UBE2E2: variants seen among roughly 807,000 people sequenced by gnomAD.
The protein encoded by UBE2E2 is ubiquitin conjugating enzyme E2 E2.
UBE2E2 carries 6 observed loss-of-function variants against 24.7 expected under a neutral mutation model. The ratio of observed to expected loss-of-function variants is 0.24; its 90% CI spans 0.13 to 0.48. The LOEUF (loss-of-function observed/expected upper bound fraction) is 0.48. Ranked by LOEUF, UBE2E2 falls within the 20% of genes least tolerant of loss-of-function variation. The probability of loss-of-function intolerance (pLI) is 0.99; values close to 1 mark genes in which losing one functional copy is unlikely to be tolerated. For synonymous variants in UBE2E2, 104 were observed against 83.6 expected (o/e 1.24, Z -1.33); for missense variants, 169 against 245.0 (o/e 0.69, Z 2.07).
At chr3:23,209,697 GT>G (rs1199406631) in intron 2 of UBE2E2, among the ~76,000 whole-genome samples, 1 of 152,134 alleles carries the variant, frequency 6.6e-6, no homozygotes, top group Non-Finnish European at 1.5e-5. Context: ...ATTTTATGGT[GT>G]GGGTTAAGGG....
chr3:23,276,718 AAAAAT>A (rs1480100027), intron 3 of UBE2E2, among the ~76,000 whole-genome samples: 6 of 152,076 alleles, frequency 3.9e-5, no homozygotes, highest in East Asian at 1.9e-4. Context: ...CTATTTTATA[AAAAAT>A]AAAATAGAAA....
At chr3:23,230,786 C>G (rs1206204215) in intron 3 of UBE2E2, among the ~76,000 whole-genome samples, 1 of 119,724 alleles carries the variant, frequency 8.4e-6, no homozygotes, top group South Asian at 2.8e-4. Context: ...AACTCCTTCT[C>G]AAAAAGAAAA....
chr3:23,391,373 AATGTGGCCACAGT>A (rs1388930101), intron 3 of UBE2E2, among the ~76,000 whole-genome samples: 3 of 152,212 alleles, frequency 2.0e-5, no homozygotes, highest in Non-Finnish European at 4.4e-5. Flanking sequence ...ATAGTTCAGG[AATGTGGCCACAGT>A]ATGCCTGTGT....
intron 3 of UBE2E2, among the ~76,000 whole-genome samples, chr3:23,223,168 T>C (rs1383502742): frequency 6.6e-6 from 1 of 150,578 alleles, no homozygotes; most frequent in Non-Finnish European, 1.5e-5. Flanking sequence ...TACAGGTACA[T>C]GCCACCATGC....
At chr3:23,251,130 C>G (rs887971197) in intron 3 of UBE2E2, among the ~76,000 whole-genome samples, 2 of 152,218 alleles carry the variant, frequency 1.3e-5, no homozygotes, top group African/African-American at 4.8e-5. Flanking sequence ...ACTGGGATTA[C>G]TGTGCCTAGC....
chr3:23,367,883 C>T (rs1336381779), intron 3 of UBE2E2, among the ~76,000 whole-genome samples: 1 of 152,100 alleles, frequency 6.6e-6, no homozygotes, highest in Non-Finnish European at 1.5e-5. Flanking sequence ...GTGTCCACTG[C>T]AGAATTGATT....
intron 5 of UBE2E2, among the ~76,000 whole-genome samples, chr3:23,569,767 A>G (rs538503473): frequency 6.6e-6 from 1 of 152,338 alleles, no homozygotes; most frequent in South Asian, 2.1e-4. Flanking sequence ...AGGACATTTT[A>G]TATTTCAAAG....
intron 3 of UBE2E2, among the ~76,000 whole-genome samples, chr3:23,284,964 T>C (rs72625864): frequency 8.5e-6 from 1 of 118,180 alleles, no homozygotes. Context: ...GAAAAAAAAA[T>C]ATATATATAT....
chr3:23,521,240 T>TA (rs1694857126), intron 4 of UBE2E2, among the ~76,000 whole-genome samples: 1 of 152,166 alleles, frequency 6.6e-6, no homozygotes, highest in South Asian at 2.1e-4. Context: ...GTGAGACCTA[T>TA]AAAAAATGTA....
chr3:23,501,253 A>C (rs1460136933), intron 4 of UBE2E2, among the ~76,000 whole-genome samples: 1 of 152,222 alleles, frequency 6.6e-6, no homozygotes, highest in Non-Finnish European at 1.5e-5. Context: ...GTAGTTTCAG[A>C]AAATGTGTGG....
intron 3 of UBE2E2, among the ~76,000 whole-genome samples, chr3:23,472,186 G>C (rs1415690608): frequency 1.3e-5 from 2 of 152,146 alleles, no homozygotes; most frequent in Non-Finnish European, 2.9e-5. Context: ...GAGTATATAA[G>C]ATATTTTAGA....
In UBE2E2 at chr3:23,407,988, G is replaced by A. The variant is rs1697404995; in HGVS notation, c.228-91620G>A. On this transcript the variant is annotated intron_variant, in intron 3 of 5. Transcript: ENST00000396703. This position sits in a 1 kb window ranked among gnomAD's most constrained non-coding sequence, Gnocchi z 4.0. ...GTGTAATTGTGCTTCTGGTGGGGGC[G>A]GGGGAGATGGGCTTTTATTAAAAAA... is the stretch of plus-strand genomic sequence containing the variant. 6.6e-6 allele frequency among the ~76,000 whole-genome samples: 1 copy of A among 151,878 alleles called. No individual in the cohort carries two copies.
At chr3:23,585,384 A>G (rs1413404527) in intron 5 of UBE2E2, among the ~76,000 whole-genome samples, 3 of 151,798 alleles carry the variant, frequency 2.0e-5, no homozygotes, top group African/African-American at 7.3e-5. Context: ...AAAAAAAAAA[A>G]AAAAAGACAT....
At chr3:23,568,740 T>TATGTATAC (rs1186823162) in intron 5 of UBE2E2, among the ~76,000 whole-genome samples, 133 of 85,846 alleles carry the variant, frequency 1.5e-3, no homozygotes, top group South Asian at 4.3e-3. Flanking sequence ...TATACATATA[T>TATGTATAC]ATATATATAT....
In UBE2E2 at chr3:23,504,893, TCTG is replaced by T. The variant is rs1403953814; in HGVS notation, c.360+5154_360+5156del. ...ATTGTGACACTCTGTGTCTAATGTT[TCTG>T]TTTCAGACATTCTTTCTTTTTTTTT... On this transcript the variant is annotated intron_variant, in intron 4 of 5. Coordinates refer to ENST00000396703, the MANE Select transcript of UBE2E2 (RefSeq NM_152653.4). 2.6e-5 allele frequency among the ~76,000 whole-genome samples: 4 copies of T among 151,026 alleles called. No individual in the cohort carries two copies. The East Asian group carries it at 7.8e-4, about 29-fold the overall frequency.
intron 4 of UBE2E2, among the ~76,000 whole-genome samples, chr3:23,527,933 G>A (rs1214376106): frequency 6.6e-6 from 1 of 151,858 alleles, no homozygotes; most frequent in Non-Finnish European, 1.5e-5. Context: ...TAAGTAAAAC[G>A]CATTTATGGA....
At chr3:23,355,066 C>G (rs1295191237) in intron 3 of UBE2E2, among the ~76,000 whole-genome samples, 1 of 151,958 alleles carries the variant, frequency 6.6e-6, no homozygotes, top group Middle Eastern at 3.2e-3. Context: ...ATGATGAGTT[C>G]ATGTCCTTTG....
chr3:23,222,631 G>C (rs1395520424), intron 3 of UBE2E2, among the ~76,000 whole-genome samples: 1 of 152,182 alleles, frequency 6.6e-6, no homozygotes, highest in Non-Finnish European at 1.5e-5. Context: ...TCTCAAGCCA[G>C]GTGGAACCAT....
At chr3:23,449,746 A>G (rs183532452) in intron 3 of UBE2E2, 109 of 514,046 alleles carry the variant, frequency 2.1e-4, no homozygotes, top group Non-Finnish European at 2.7e-4. Flanking sequence ...CTTATCTCAT[A>G]TAATTCTGTT....
Sources: gnomAD v4.1 joint callset for allele counts (sites outside exome capture counted in the v4.1 genomes callset) on GRCh38, gnomAD v4.1.1 for gene constraint, Gnocchi (gnomAD v3.1) non-coding constraint, MANE v1.5 for transcripts, NCBI Gene and HGNC (gene_info 2026-07-23, HGNC 2026-07-21) for gene names.